The following AP1M2 variants were observed in gnomAD, a reference collection of about 807,000 sequenced individuals.
AP1M2 encodes the protein adaptor related protein complex 1 subunit mu 2.
AP1M2 carries 41 observed loss-of-function variants against 54.6 expected under a neutral mutation model. The ratio of observed to expected loss-of-function variants is 0.75; its 90% CI spans 0.59 to 0.97. AP1M2 has a LOEUF of 0.97. AP1M2 is among the 50% of genes least tolerant of loss of function. AP1M2 has a pLI of 0.00. For missense variants in AP1M2, 507 were observed against 561.2 expected, an observed-to-expected ratio of 0.90 and a Z score of 0.98; for synonymous variants, 219 against 215.9, an observed-to-expected ratio of 1.01 and a Z score of -0.13.
chr19:10,572,847 T>G lies in AP1M2; in HGVS notation c.*219A>C. Reference sequence around the variant, plus strand: ...ATTTCTTCATATAAAATCAGGGGGATGGGGAAAGCTCCAAGGGCGAGGGAA... The same window carrying G: ...ATTTCTTCATATAAAATCAGGGGGAGGGGGAAAGCTCCAAGGGCGAGGGAA... On this transcript the variant is annotated 3_prime_UTR_variant, in exon 12 of 12. Coordinates refer to ENST00000250244, the MANE Select transcript of AP1M2 (RefSeq NM_005498.5). 3 of 474,492 alleles carry G rather than the reference T, an allele frequency of 6.3e-6. No individual in the cohort carries two copies. Among genetic ancestry groups the G allele is most frequent in the Non-Finnish European group, 7.6e-6 (2 of 263,036 alleles). 29.4% of individuals were successfully genotyped at this position (474,492 alleles called of 1,614,324 possible). A position where few individuals can be genotyped will look rare whatever the true frequency, so the allele number is the denominator to read the frequency against.
chr19:10,585,276 GA>G (rs1423063893), intron 1 of AP1M2, among the ~76,000 whole-genome samples: 1 of 77,354 alleles, frequency 1.3e-5, no homozygotes, highest in African/African-American at 4.0e-5. Flanking sequence ...AAGAAAGAAA[GA>G]AGAAAAAAAG....
At position 10,579,715 on chromosome 19, in the gene AP1M2, C is replaced by A; in HGVS notation, c.816+1G>T. ...CCAGATGGGGCTGGACCCTGCCTCA[C>A]CTGGGTGCTGAGGCGGTATGACATG... On this transcript the variant is annotated splice_donor_variant, in intron 7 of 11. Coordinates refer to ENST00000250244, the MANE Select transcript of AP1M2 (RefSeq NM_005498.5). LOFTEE classifies it high-confidence loss of function. 6.2e-7 allele frequency: 1 copy of A among 1,612,138 alleles called. No individual in the cohort carries two copies. Among genetic ancestry groups the A allele is most frequent in the Non-Finnish European group, 8.5e-7 (1 of 1,178,992 alleles).
Position 10,573,103 on chromosome 19 carries a change from TGAG to T in AP1M2, c.1250-18_1250-16del. On this transcript the variant is annotated splice_polypyrimidine_tract_variant and intron_variant, in intron 11 of 11. Coordinates refer to ENST00000250244, the MANE Select transcript of AP1M2 (RefSeq NM_005498.5). ...AAGTTGGTAATCTGCAGAGAAAGAATGAGGAGGGGCCATCTCAGAAATGGGGAG... is the reference window on the plus strand; with the variant it reads ...AAGTTGGTAATCTGCAGAGAAAGAATGAGGGGCCATCTCAGAAATGGGGAG... The T allele has an allele frequency of 6.4e-7, 1 of 1,559,514 alleles. No individual in the cohort carries two copies. Among genetic ancestry groups the T allele is most frequent in the Non-Finnish European group, 8.7e-7 (1 of 1,151,606 alleles).
chr19:10,573,660 CTTTT>C (rs35697396), intron 11 of AP1M2, among the ~76,000 whole-genome samples: 15 of 109,444 alleles, frequency 1.4e-4, no homozygotes, highest in Non-Finnish European at 1.6e-4. Flanking sequence ...CTTTTTTTTC[CTTTT>C]TTTTTTTTTT....
Position 10,578,922 on chromosome 19 carries a change from G to T in AP1M2, c.858C>A (p.Phe286Leu). Residue 286 changes from phenylalanine (F) to leucine (L), a missense_variant, in exon 8 of 12, where the codon TTC becomes TTA. Transcript: ENST00000250244. ...CCATGATCTCCACGCGGCTGTGGGA[G>T]AACTTCTCAATGACAGACTCAATCC... ...LIWIESVIEK[F>L]SHSRVEIMVK... The T allele has an allele frequency of 6.2e-7, 1 of 1,605,874 alleles. No individual in the cohort carries two copies. Among genetic ancestry groups the T allele is most frequent in the Non-Finnish European group, 8.5e-7 (1 of 1,175,784 alleles).
In AP1M2 at chr19:10,587,175, C is replaced by T. The variant is rs1917676243; in HGVS notation, c.42+15G>A. 1 of 1,553,908 alleles carries T rather than the reference C, an allele frequency of 6.4e-7. No individual in the cohort carries two copies. Among genetic ancestry groups the T allele is most frequent in the Non-Finnish European group, 8.7e-7 (1 of 1,148,430 alleles). ...CTCACCTGTCCGTCTCCCAACTCCTCATGCCCAGCCTCACCTTGCCCTTAA... is the reference window on the plus strand; with the variant it reads ...CTCACCTGTCCGTCTCCCAACTCCTTATGCCCAGCCTCACCTTGCCCTTAA... On this transcript the variant is annotated intron_variant, in intron 1 of 11. Coordinates refer to ENST00000250244, the MANE Select transcript of AP1M2 (RefSeq NM_005498.5).
In AP1M2 at chr19:10,574,899, C is replaced by T. The variant is rs752809774; in HGVS notation, c.1173+5G>A. On this transcript the variant is annotated splice_donor_5th_base_variant and intron_variant, in intron 10 of 11. Transcript: ENST00000250244. ...GGGAGGATCCTCCCTGCCTGCTTCTCTCACCTGGATCCCAGAGACGGTGAA... is the reference window on the plus strand; with the variant it reads ...GGGAGGATCCTCCCTGCCTGCTTCTTTCACCTGGATCCCAGAGACGGTGAA... The T allele has an allele frequency of 1.2e-6, 2 of 1,602,450 alleles. No individual in the cohort carries two copies. Among genetic ancestry groups the T allele is most frequent in the Middle Eastern group, 1.8e-4 (1 of 5,536 alleles).
At position 10,577,078 on chromosome 19, in the gene AP1M2, C is replaced by A. The variant is rs1169468694; in HGVS notation, c.1047+120G>T. 7.1e-6 allele frequency: 8 copies of A among 1,125,192 alleles called. No homozygotes were observed. The Admixed American group carries it at 1.7e-4, about 23-fold the overall frequency. The allele number at this position is 1,125,192 out of a possible 1,614,324, so 69.7% of individuals were successfully genotyped here. ...AAAGTACTGGCATTCCAGTCATGAG[C>A]CATCACACCTGACTGGGTCTCTGAT... On this transcript the variant is annotated intron_variant, in intron 9 of 11. Coordinates refer to ENST00000250244, the MANE Select transcript of AP1M2 (RefSeq NM_005498.5).
intron 9 of AP1M2, among the ~76,000 whole-genome samples, chr19:10,576,736 G>A (rs1230338825): frequency 6.8e-6 from 1 of 146,508 alleles, no homozygotes; most frequent in African/African-American, 2.5e-5. Flanking sequence ...ACGGAGTCTC[G>A]TTCTGTTGCC....
intron 6 of AP1M2, 90 bp from the exon 7 acceptor site, chr19:10,579,948 T>A (rs1710283552): frequency 7.4e-7 from 1 of 1,349,036 alleles, no homozygotes; most frequent in Non-Finnish European, 9.9e-7. Context: ...TGTCACCTAT[T>A]TCACATATGG....
chr19:10,583,108 G>A (rs1302620221), intron 3 of AP1M2, among the ~76,000 whole-genome samples: 1 of 151,182 alleles, frequency 6.6e-6, no homozygotes, highest in East Asian at 2.0e-4. Context: ...TTACAGGCAT[G>A]AGCCACTGTG....
intron 2 of AP1M2, 42 bp from the exon 3 acceptor site, chr19:10,583,715 A>C (rs150313722): frequency 1.5e-4 from 239 of 1,583,068 alleles, no homozygotes; most frequent in Non-Finnish European, 2.0e-4. Flanking sequence ...TTTATGGAGA[A>C]GTAAATGGAA....
chr19:10,581,134 A>G, intron 6 of AP1M2, 132 bp downstream of exon 6: 3 of 1,320,348 alleles, frequency 2.3e-6, no homozygotes, highest in South Asian at 3.0e-5. Context: ...TGGCTGCAAT[A>G]CTGGCCGTGA....
Position 10,579,751 on chromosome 19 carries a change from C to A in AP1M2, c.781G>T (p.Asp261Tyr), listed in dbSNP as rs1917371392. Reference protein sequence around the residue: ...RTISFIPPDGDFELMSYRLST... With the variant: ...RTISFIPPDGYFELMSYRLST... ...AGGCGGTATGACATGAGCTCAAAGT[C>A]ACCATCAGGCGGGATGAAGGAGATG... Residue 261 changes from aspartate (D) to tyrosine (Y), a missense_variant, in exon 7 of 12, where the codon GAC (aspartate) becomes TAC (tyrosine). Asp to Tyr is a radical substitution (Grantham distance 160). Coordinates refer to ENST00000250244, the MANE Select transcript of AP1M2 (RefSeq NM_005498.5). 6.2e-7 allele frequency: 1 copy of A among 1,613,790 alleles called. No homozygotes were observed. The highest frequency in any genetic ancestry group is 8.5e-7 in the Non-Finnish European group (1 of 1,179,890).
At chr19:10,583,426 G>T (rs1163461215) in intron 3 of AP1M2, 180 bp downstream of exon 3, 1 of 466,802 alleles carries the variant, frequency 2.1e-6, no homozygotes, top group East Asian at 3.2e-5. Context: ...CTTCAATCCA[G>T]AAGTTCTAGA....
intron 1 of AP1M2, among the ~76,000 whole-genome samples, chr19:10,585,283 A>AAAGAAAGAAAGAAAGAAAG (rs1568434699): frequency 5.7e-5 from 6 of 104,626 alleles, no homozygotes; most frequent in East Asian, 2.7e-4. Context: ...AAAGAAGAAA[A>AAAGAAAGAAAGAAAGAAAG]AAAGAAAGAA....
chr19:10,584,165 C>T (rs1483612522), intron 1 of AP1M2, 95 bp from the exon 2 acceptor site: 1 of 1,457,390 alleles, frequency 6.9e-7, no homozygotes, highest in Non-Finnish European at 9.2e-7. Flanking sequence ...TACTTCCTAG[C>T]TGAGGGGCTT....
At chr19:10,577,734 CTT>C (rs61052727) in intron 8 of AP1M2, among the ~76,000 whole-genome samples, 8 of 113,504 alleles carry the variant, frequency 7.0e-5, no homozygotes, top group African/African-American at 3.4e-5. Flanking sequence ...CATGCTTGGC[CTT>C]TTTTTTTTTT....
intron 3 of AP1M2, 174 bp downstream of exon 3, chr19:10,583,432 C>A: frequency 2.0e-6 from 1 of 490,978 alleles, no homozygotes; most frequent in South Asian, 4.0e-5. Context: ...TCCAGAAGTT[C>A]TAGACCAGCC....
Sources: gnomAD v4.1 joint callset for allele counts (sites outside exome capture counted in the v4.1 genomes callset) on GRCh38, gnomAD v4.1.1 for gene constraint, MANE v1.5 for transcripts, NCBI Gene and HGNC (gene_info 2026-07-23, HGNC 2026-07-21) for gene names.